PCMT1: variants seen among roughly 807,000 people sequenced by gnomAD.
PCMT1 encodes the protein protein-L-isoaspartate(D-aspartate) O-methyltransferase.
Under a neutral mutation model 29.2 loss-of-function variants are expected in PCMT1, and 9 were observed. That is an observed-to-expected ratio of 0.31 (90% CI 0.19 to 0.54). PCMT1 has a LOEUF of 0.54. PCMT1 is among the 20% of genes least tolerant of loss of function. The probability of loss-of-function intolerance (pLI) is 0.95; values close to 1 mark genes in which losing one functional copy is unlikely to be tolerated. For missense variants in PCMT1, 184 were observed against 282.2 expected (o/e 0.65, Z 2.49); for synonymous variants, 98 against 97.5 (o/e 1.00, Z -0.03).
Position 149,773,320 on chromosome 6 carries a change from T to C in PCMT1, c.192+151T>C, listed in dbSNP as rs1787415430. The C allele has an allele frequency of 1.5e-5, 10 of 645,172 alleles. No individual in the cohort carries two copies. The South Asian group carries it at 1.9e-4, about 12-fold the overall frequency. 40.0% of individuals were successfully genotyped at this position (645,172 alleles called of 1,614,324 possible). A position where few individuals can be genotyped will look rare whatever the true frequency, so the allele number is the denominator to read the frequency against. On this transcript the variant is annotated intron_variant, in intron 3 of 7. Transcript: ENST00000464889. ...TGAACATCATTTTCTTTTTTGAACA[T>C]CTTATTCTTAATACAGGGTCTGTAG... is the stretch of plus-strand genomic sequence containing the variant.
intron 6 of PCMT1, among the ~76,000 whole-genome samples, chr6:149,799,532 A>G (rs1428626666): frequency 6.6e-6 from 1 of 152,236 alleles, no homozygotes; most frequent in Non-Finnish European, 1.5e-5. Flanking sequence ...CTTTTAATAC[A>G]TTCCATGCAC....
At chr6:149,751,855 G>A (rs1382499101) in intron 1 of PCMT1, among the ~76,000 whole-genome samples, 1 of 151,430 alleles carries the variant, frequency 6.6e-6, no homozygotes, top group African/African-American at 2.4e-5. Context: ...TGAGTCTTTA[G>A]TGTTTGGTAA....
chr6:149,806,547 G>A (rs1054401768), intron 7 of PCMT1, among the ~76,000 whole-genome samples: 2 of 152,068 alleles, frequency 1.3e-5, no homozygotes, highest in East Asian at 1.9e-4. Flanking sequence ...GCCAGGCTAC[G>A]TGATTTCTGT....
At chr6:149,796,664 A>G (rs755020046) in intron 6 of PCMT1, 164 bp downstream of exon 6, 5 of 517,786 alleles carry the variant, frequency 9.7e-6, no homozygotes, top group Admixed American at 3.6e-5. Flanking sequence ...TATGCAAACA[A>G]TTGTATAAAT....
intron 3 of PCMT1, among the ~76,000 whole-genome samples, chr6:149,781,204 G>GTT (rs1408665915): frequency 4.1e-5 from 1 of 24,390 alleles, no homozygotes; most frequent in African/African-American, 7.4e-4. Flanking sequence ...TTTTTTTTTT[G>GTT]TTTTTTTTTT....
intron 1 of PCMT1, among the ~76,000 whole-genome samples, chr6:149,753,672 G>A (rs1279548850): frequency 6.6e-6 from 1 of 152,132 alleles, no homozygotes; most frequent in Non-Finnish European, 1.5e-5. Context: ...TTTAAGAAAT[G>A]AAGCTTAATA....
At chr6:149,793,162 C>CA (rs59087711) in intron 4 of PCMT1, among the ~76,000 whole-genome samples, 197 of 129,864 alleles carry the variant, frequency 1.5e-3, no homozygotes, top group Non-Finnish European at 1.3e-3. Context: ...GACTCTCTCT[C>CA]AAAAAAAAAA....
At chr6:149,768,823 C>T (rs893498214) in intron 1 of PCMT1, among the ~76,000 whole-genome samples, 3 of 151,808 alleles carry the variant, frequency 2.0e-5, no homozygotes, top group South Asian at 2.1e-4. Flanking sequence ...GATGGGGTTT[C>T]GCCATGTTGG....
intron 1 of PCMT1, among the ~76,000 whole-genome samples, chr6:149,755,588 G>A (rs1403463831): frequency 1.3e-5 from 2 of 152,068 alleles, no homozygotes; most frequent in Non-Finnish European, 2.9e-5. Context: ...ATTTTTATTT[G>A]TAAAAATAAT....
intron 1 of PCMT1, among the ~76,000 whole-genome samples, chr6:149,768,461 T>G (rs938756699): frequency 7.1e-6 from 1 of 140,168 alleles, no homozygotes; most frequent in African/African-American, 2.7e-5. Context: ...TTTTTTTTTT[T>G]TTTTTTTTGA....
chr6:149,799,010 A>G (rs1788719826), intron 6 of PCMT1: 1 of 152,214 alleles, frequency 6.6e-6, no homozygotes, highest in African/African-American at 2.4e-5. Flanking sequence ...TTAGGGGATA[A>G]AGAGAAGATT....
chr6:149,756,512 CTTTTTTTTTTTTTT>C (rs61038108), intron 1 of PCMT1, among the ~76,000 whole-genome samples: 9 of 74,720 alleles, frequency 1.2e-4, no homozygotes, highest in Admixed American at 4.5e-4. Flanking sequence ...CCATGACTGG[CTTTTTTTTTTTTTT>C]TTTTTTTTTT....
intron 6 of PCMT1, among the ~76,000 whole-genome samples, chr6:149,799,535 C>T (rs1418107897): frequency 6.6e-6 from 1 of 152,138 alleles, no homozygotes; most frequent in African/African-American, 2.4e-5. Flanking sequence ...TTAATACATT[C>T]CATGCACTAT....
At chr6:149,808,675 C>T (rs531216247) in intron 7 of PCMT1, among the ~76,000 whole-genome samples, 210 of 151,966 alleles carry the variant, frequency 1.4e-3, no homozygotes, top group Non-Finnish European at 2.6e-3. Context: ...CTCGCTCTGT[C>T]GCTCAGGCTG....
chr6:149,794,071 A>G (rs1788496135), intron 5 of PCMT1, among the ~76,000 whole-genome samples: 1 of 152,000 alleles, frequency 6.6e-6, no homozygotes, highest in African/African-American at 2.4e-5. Flanking sequence ...TGATAATAGA[A>G]ATTCTTAATT....
chr6:149,791,072 CAG>C (rs1448143529), intron 4 of PCMT1, among the ~76,000 whole-genome samples: 1 of 152,228 alleles, frequency 6.6e-6, no homozygotes, highest in East Asian at 1.9e-4. Context: ...CCCGACAACT[CAG>C]AATTCTACTT....
chr6:149,786,723 C>G (rs1191321832), intron 3 of PCMT1, among the ~76,000 whole-genome samples: 1 of 150,100 alleles, frequency 6.7e-6, no homozygotes, highest in African/African-American at 2.5e-5. Flanking sequence ...GACGGGGCGG[C>G]GGGGCAGAGG....
At chr6:149,807,781 C>T (rs1776055848) in intron 7 of PCMT1, among the ~76,000 whole-genome samples, 1 of 152,150 alleles carries the variant, frequency 6.6e-6, no homozygotes, top group African/African-American at 2.4e-5. Context: ...TTATTGATGT[C>T]TTCTTAAAGT....
rs1786961335 is a variant in PCMT1 at position 149,763,850 on chromosome 6, C to G, written c.56-7312C>G. Among the ~76,000 whole-genome samples the G allele has an allele frequency of 2.0e-5, 3 of 152,036 alleles. No homozygotes were observed. The South Asian group carries it at 6.2e-4, about 31-fold the overall frequency. On this transcript the variant is annotated intron_variant, in intron 1 of 7. Coordinates refer to ENST00000464889, the MANE Select transcript of PCMT1 (RefSeq NM_001360452.2). ...TTATCTTTATGTAAAAAATGGTTGA[C>G]TAGATAGAAATTCAATATATTCTTT...
Sources: gnomAD v4.1 joint callset for allele counts (sites outside exome capture counted in the v4.1 genomes callset) on GRCh38, gnomAD v4.1.1 for gene constraint, MANE v1.5 for transcripts, NCBI Gene and HGNC (gene_info 2026-07-23, HGNC 2026-07-21) for gene names.